Variants in ABCA13 observed in about 807,000 individuals in gnomAD.
ABCA13 encodes ATP-binding cassette sub-family A member 13.
ABCA13 carries 476 observed loss-of-function variants against 478.7 expected under a neutral mutation model. That is an observed-to-expected ratio of 0.99 (90% CI 0.92 to 1.07). The LOEUF (loss-of-function observed/expected upper bound fraction) is 1.07, where lower values mean the gene tolerates loss of function less well. Among genes scored for constraint, ABCA13 ranks in the 50% least tolerant of loss-of-function variants. The pLI is 0.00. For missense variants in ABCA13, 6,060 were observed against 5,910.6 expected, an observed-to-expected ratio of 1.03 and a Z score of -0.83; for synonymous variants, 2,252 against 2,158.9, an observed-to-expected ratio of 1.04 and a Z score of -1.20.
At chr7:48,234,650 T>C (rs902220405) in intron 8 of ABCA13, among the ~76,000 whole-genome samples, 8 of 152,254 alleles carry the variant, frequency 5.3e-5, no homozygotes, top group Non-Finnish European at 7.3e-5. Context: ...TTGGACTGGA[T>C]GATCGATCCC....
intron 59 of ABCA13, among the ~76,000 whole-genome samples, chr7:48,632,829 G>C (rs115634660): frequency 0.016 from 2,393 of 152,254 alleles, 53 homozygotes; most frequent in African/African-American, 0.053. Flanking sequence ...TTCAAATCGT[G>C]TTTTCAATAA....
intron 7 of ABCA13, 105 bp from the exon 8 acceptor site, chr7:48,233,913 T>G (rs879408362): frequency 2.3e-6 from 3 of 1,326,202 alleles, no homozygotes; most frequent in Admixed American, 4.5e-5. Context: ...GGTCTTCATT[T>G]GCTCTTCCTT....
intron 20 of ABCA13, among the ~76,000 whole-genome samples, chr7:48,294,612 A>G (rs2128826478): frequency 6.9e-6 from 1 of 145,864 alleles, no homozygotes; most frequent in South Asian, 2.2e-4. Context: ...GCGCCCGGCT[A>G]ATTTTTTGTA....
chr7:48,313,487 T>G (rs879532244), intron 25 of ABCA13, among the ~76,000 whole-genome samples: 91 of 152,350 alleles, frequency 6.0e-4, no homozygotes, highest in Non-Finnish European at 6.3e-4. Flanking sequence ...ACATGCATTA[T>G]CTATAAAGTA....
chr7:48,626,709 T>C (rs895972647), intron 59 of ABCA13: 84 of 985,372 alleles, frequency 8.5e-5, no homozygotes, highest in Non-Finnish European at 9.8e-5. Context: ...TACAGCCGGC[T>C]GATCTGAGCT....
rs1236061029 is a variant in ABCA13 at position 48,531,196 on chromosome 7, C to T, written c.14354+2851C>T. Among the ~76,000 whole-genome samples, 4 of 152,136 alleles carry T rather than the reference C, an allele frequency of 2.6e-5. No individual in the cohort carries two copies. The East Asian group carries it at 5.8e-4, about 22-fold the overall frequency. On this transcript the variant is annotated intron_variant, in intron 55 of 61. Coordinates refer to ENST00000435803, the MANE Select transcript of ABCA13 (RefSeq NM_152701.5). Reference sequence around the variant, plus strand: ...TGAGAGATGAGGATCCAGTTTCATTCTTCAACATGTGGCTTGCTAATTATC... The same window carrying T: ...TGAGAGATGAGGATCCAGTTTCATTTTTCAACATGTGGCTTGCTAATTATC...
chr7:48,347,517 AATAG>A lies in ABCA13; in HGVS notation c.10205-3120_10205-3117del, dbSNP rs533655500. Among the ~76,000 whole-genome samples, 9 of 152,322 alleles carry A rather than the reference AATAG, an allele frequency of 5.9e-5. No individual in the cohort carries two copies. The East Asian group carries it at 1.7e-3, about 29-fold the overall frequency. On this transcript the variant is annotated intron_variant, in intron 29 of 61. Transcript: ENST00000435803. ...GATTTGGTGCCATCTTAAAGAAGGA[AATAG>A]ATAGAGAAAACAGACAAGAAATGTT...
chr7:48,272,100 A>G lies in ABCA13; in HGVS notation c.2434A>G (p.Ile812Val). 1 of 1,613,748 alleles carries G rather than the reference A, an allele frequency of 6.2e-7. No homozygotes were observed. ...WKMQTLGSHWIRKEPKNLLRF... is the reference protein window; with the variant it reads ...WKMQTLGSHWVRKEPKNLLRF... Reference sequence around the variant, plus strand: ...AATGCAGACTCTCGGAAGTCACTGGATAAGGAAGGAACCAAAAAATCTTTT... The same window carrying G: ...AATGCAGACTCTCGGAAGTCACTGGGTAAGGAAGGAACCAAAAAATCTTTT... The change falls in exon 17 of 62, where the codon ATA becomes GTA. Residue 812 changes from isoleucine (I) to valine (V), a missense_variant. Coordinates refer to ENST00000435803, the MANE Select transcript of ABCA13 (RefSeq NM_152701.5).
Position 48,274,096 on chromosome 7 carries a change from T to A in ABCA13, c.4430T>A (p.Val1477Asp). Reference sequence around the variant, plus strand: ...TTTCTAAATATTGTACTTACTACAGTCTTTGAAAAAGAGAAGAAACCTAAA... The same window carrying A: ...TTTCTAAATATTGTACTTACTACAGACTTTGAAAAAGAGAAGAAACCTAAA... ...TDFLNIVLTT[V>D]FEKEKKPKFE... is the part of the protein sequence containing the mutation. Residue 1477 changes from valine to aspartate, a missense_variant, in exon 17 of 62, where the codon GTC (valine) becomes GAC (aspartate). Around this residue, in one of 3 missense-constraint regions of ABCA13, gnomAD observed 4,423 missense variants for 4,309.1 expected, o/e 1.03. Coordinates refer to ENST00000435803, the MANE Select transcript of ABCA13 (RefSeq NM_152701.5). The A allele has an allele frequency of 1.2e-6, 2 of 1,606,744 alleles. No individual in the cohort carries two copies. Among genetic ancestry groups the A allele is most frequent in the Non-Finnish European group, 1.7e-6 (2 of 1,176,144 alleles).
chr7:48,622,593 T>A (rs758033725), intron 59 of ABCA13, among the ~76,000 whole-genome samples: 2 of 152,196 alleles, frequency 1.3e-5, no homozygotes, highest in Admixed American at 6.5e-5. Context: ...CCTATAGATA[T>A]TCCCCCTTTC....
At chr7:48,211,040 T>A (rs10232818) in intron 3 of ABCA13, among the ~76,000 whole-genome samples, 5,523 of 152,322 alleles carry the variant, frequency 0.036, 141 homozygotes, top group Middle Eastern at 0.071. Context: ...GCACCCAATT[T>A]ATATTATTAT....
At position 48,275,370 on chromosome 7, in the gene ABCA13, G is replaced by T; in HGVS notation, c.5704G>T (p.Glu1902Ter). The T allele has an allele frequency of 6.2e-7, 1 of 1,613,880 alleles. No individual in the cohort carries two copies. The highest frequency in any genetic ancestry group is 8.5e-7 in the Non-Finnish European group (1 of 1,179,840). Residue 1902 changes from glutamate to a stop codon, truncating the protein, a stop_gained, in exon 17 of 62, where the codon GAG (glutamate) becomes TAG (stop). Coordinates refer to ENST00000435803, the MANE Select transcript of ABCA13 (RefSeq NM_152701.5). LOFTEE classifies it high-confidence loss of function. ...ELVDWNSILL[E>*]LSEVFHVNIS... ...AGTGGACTGGAATTCTATTCTTCTGGAGCTCTCTGAAGTCTTCCATGTTAA... is the reference window on the plus strand; with the variant it reads ...AGTGGACTGGAATTCTATTCTTCTGTAGCTCTCTGAAGTCTTCCATGTTAA...
chr7:48,274,373 T>C lies in ABCA13; in HGVS notation c.4707T>C (p.Asn1569=). 6.2e-7 allele frequency: 1 copy of C among 1,613,242 alleles called. No individual in the cohort carries two copies. Among genetic ancestry groups the C allele is most frequent in the Non-Finnish European group, 8.5e-7 (1 of 1,179,684 alleles). The change falls in exon 17 of 62, where the codon AAT becomes AAC. Residue 1569 remains asparagine (N), a synonymous_variant. Transcript: ENST00000435803. ...KGIYFNILEN[N]SSSKTENLLN... ...TTTACTTTAACATCCTGGAAAATAA[T>C]TCCTCTTCTAAAACTGAAAACTTGT...
At chr7:48,359,842 T>C (rs1810541295) in intron 31 of ABCA13, among the ~76,000 whole-genome samples, 3 of 152,004 alleles carry the variant, frequency 2.0e-5, no homozygotes, top group African/African-American at 7.3e-5. Flanking sequence ...TTTTCTGTCA[T>C]TGCACTCACT....
chr7:48,528,145 GTTTC>G (rs1200677658), intron 54 of ABCA13, 87 bp from the exon 55 acceptor site: 6 of 1,148,134 alleles, frequency 5.2e-6, no homozygotes, highest in Admixed American at 4.2e-5. Context: ...AGCAAGTGCT[GTTTC>G]TGATATAATT....
chr7:48,256,688 T>C (rs1793439087), intron 15 of ABCA13, among the ~76,000 whole-genome samples: 1 of 151,580 alleles, frequency 6.6e-6, no homozygotes. Context: ...TTTTATTATT[T>C]TACCAGTACC....
intron 59 of ABCA13, among the ~76,000 whole-genome samples, chr7:48,621,827 T>C (rs964688993): frequency 1.3e-5 from 2 of 152,260 alleles, no homozygotes. Flanking sequence ...TAGTGGGATT[T>C]AGCTAAAAGC....
In ABCA13 at chr7:48,516,712, C is replaced by T. The variant is rs777308726; in HGVS notation, c.13641-13C>T. ...ACAGTAAAACAAACATTACTTTTCA[C>T]TTTACTTTTCAGATATGCAACTCTT... On this transcript the variant is annotated splice_polypyrimidine_tract_variant and intron_variant, in intron 51 of 61. Transcript: ENST00000435803. 1 of 1,612,218 alleles carries T rather than the reference C, an allele frequency of 6.2e-7. No individual in the cohort carries two copies. The highest frequency in any genetic ancestry group is 1.3e-5 in the African/African-American group (1 of 74,856).
chr7:48,497,251 CATT>C (rs1467867169), intron 48 of ABCA13, among the ~76,000 whole-genome samples: 1 of 151,788 alleles, frequency 6.6e-6, no homozygotes, highest in Non-Finnish European at 1.5e-5. Flanking sequence ...TAATTTCTGT[CATT>C]GTATATTTTA....
Sources: gnomAD v4.1 joint callset for allele counts (sites outside exome capture counted in the v4.1 genomes callset) on GRCh38, gnomAD v4.1.1 for gene constraint, gnomAD v4.1.1 regional missense constraint, MANE v1.5 for transcripts, NCBI Gene and HGNC (gene_info 2026-07-23, HGNC 2026-07-21) for gene names.